RAB3B: variants seen among roughly 807,000 people sequenced by gnomAD.
RAB3B encodes the protein RAB3B, member RAS oncogene family, also known as ras-related protein Rab-3B.
RAB3B carries 11 observed loss-of-function variants against 20.5 expected under a neutral mutation model. That is an observed-to-expected ratio of 0.54 (90% CI 0.34 to 0.89). The LOEUF is 0.89. Ranked by LOEUF, RAB3B falls within the 40% of genes least tolerant of loss-of-function variation. The pLI, the probability that RAB3B is intolerant of heterozygous loss-of-function variation, is 0.02. For missense variants in RAB3B, 225 were observed against 280.9 expected, an observed-to-expected ratio of 0.80 and a Z score of 1.42; for synonymous variants, 99 against 106.3, an observed-to-expected ratio of 0.93 and a Z score of 0.42.
intron 2 of RAB3B, among the ~76,000 whole-genome samples, chr1:51,958,104 AGAGGAGGCTGG>A: frequency 6.6e-6 from 1 of 152,204 alleles, no homozygotes; most frequent in Admixed American, 6.5e-5. Context: ...AGCCAGGCAC[AGAGGAGGCTGG>A]GATGTCCTGG....
chr1:51,909,305 A>C lies in RAB3B; in HGVS notation c.*10622T>G, dbSNP rs2124209879. ...ATACCATCTATCCCCCTAGACTCTC[A>C]CAGTGGCTCCACCTTAAATGTCCAC... On this transcript the variant is annotated 3_prime_UTR_variant, in exon 5 of 5. Coordinates refer to ENST00000371655, the MANE Select transcript of RAB3B (RefSeq NM_002867.4). 1 of 152,308 alleles carries C rather than the reference A, an allele frequency of 6.6e-6. No homozygotes were observed. 9.4% of individuals were successfully genotyped at this position (152,308 alleles called of 1,614,324 possible). A position where few individuals can be genotyped will look rare whatever the true frequency, so the allele number is the denominator to read the frequency against.
chr1:51,920,334 G>A (rs914934031), intron 4 of RAB3B, among the ~76,000 whole-genome samples: 3 of 152,106 alleles, frequency 2.0e-5, no homozygotes, highest in Admixed American at 6.6e-5. Flanking sequence ...CTCTACCACC[G>A]CCCAGCTGTT....
intron 4 of RAB3B, among the ~76,000 whole-genome samples, chr1:51,921,308 T>C (rs1684168862): frequency 6.6e-6 from 1 of 152,186 alleles, no homozygotes; most frequent in Non-Finnish European, 1.5e-5. Context: ...GCTAGGAGCT[T>C]TACTGATATC....
intron 2 of RAB3B, among the ~76,000 whole-genome samples, chr1:51,971,843 G>A (rs1684941032): frequency 6.6e-6 from 1 of 152,208 alleles, no homozygotes. Context: ...CCCTGGGCAG[G>A]ACAGAGCAAG....
chr1:51,955,452 C>A (rs866837233), intron 2 of RAB3B, among the ~76,000 whole-genome samples: 1 of 151,956 alleles, frequency 6.6e-6, no homozygotes, highest in Non-Finnish European at 1.5e-5. Flanking sequence ...AGTGCAGTGG[C>A]GCAATCTTGG....
rs1272886756 is a variant in RAB3B, at chr1:51,919,370, C to T, written c.*557G>A. 1 of 152,438 alleles carries T rather than the reference C, an allele frequency of 6.6e-6. No homozygotes were observed. The highest frequency in any genetic ancestry group is 2.4e-5 in the African/African-American group (1 of 41,480). 9.4% of individuals were successfully genotyped at this position (152,438 alleles called of 1,614,324 possible). A position where few individuals can be genotyped will look rare whatever the true frequency, so the allele number is the denominator to read the frequency against. On this transcript the variant is annotated 3_prime_UTR_variant, in exon 5 of 5. Coordinates refer to ENST00000371655, the MANE Select transcript of RAB3B (RefSeq NM_002867.4). ...CTGAGCTCTCTGAAGATTAGCTCTTCCTGTCGCCACAGCAACTGCCCAGGC... is the reference window on the plus strand; with the variant it reads ...CTGAGCTCTCTGAAGATTAGCTCTTTCTGTCGCCACAGCAACTGCCCAGGC...
chr1:51,930,349 T>C (rs547767983), intron 4 of RAB3B, among the ~76,000 whole-genome samples: 31 of 152,350 alleles, frequency 2.0e-4, no homozygotes, highest in African/African-American at 6.5e-4. Context: ...TTAAATGAGA[T>C]AATTAATGCT....
chr1:51,976,837 T>C, intron 2 of RAB3B, 53 bp downstream of exon 2: 3 of 1,525,512 alleles, frequency 2.0e-6, no homozygotes, highest in East Asian at 2.3e-5. Context: ...GCCCTTGTAC[T>C]GGCAGGCCAG....
At chr1:51,930,712 C>T (rs181429003) in intron 4 of RAB3B, among the ~76,000 whole-genome samples, 3 of 152,260 alleles carry the variant, frequency 2.0e-5, no homozygotes, top group Admixed American at 6.5e-5. Flanking sequence ...TTAACCAATT[C>T]ACCTTTAAAA....
intron 1 of RAB3B, among the ~76,000 whole-genome samples, chr1:51,979,362 C>T (rs368068451): frequency 2.0e-5 from 3 of 151,862 alleles, no homozygotes; most frequent in African/African-American, 7.3e-5. Flanking sequence ...CCTCTGCCCC[C>T]TGAGTTCAAG....
chr1:51,923,224 A>T (rs1684197092), intron 4 of RAB3B, among the ~76,000 whole-genome samples: 1 of 152,156 alleles, frequency 6.6e-6, no homozygotes. Flanking sequence ...GAAAACTGAG[A>T]CTCAGAGATG....
chr1:51,965,344 A>G (rs1055536429), intron 2 of RAB3B, among the ~76,000 whole-genome samples: 3 of 152,212 alleles, frequency 2.0e-5, no homozygotes, highest in African/African-American at 7.2e-5. Context: ...TCACTGAACT[A>G]TACTGTTTAA....
At chr1:51,988,140 T>G (rs549772936) in intron 1 of RAB3B, among the ~76,000 whole-genome samples, 1 of 152,326 alleles carries the variant, frequency 6.6e-6, no homozygotes, top group African/African-American at 2.4e-5. Flanking sequence ...AAAGGTCAAC[T>G]GTATATGCAA....
At chr1:51,965,561 C>T (rs1468914799) in intron 2 of RAB3B, among the ~76,000 whole-genome samples, 9 of 150,652 alleles carry the variant, frequency 6.0e-5, no homozygotes, top group Admixed American at 3.3e-4. Context: ...GCAGGAGAAT[C>T]GCTTGAACCC....
chr1:51,964,730 A>T (rs905619844), intron 2 of RAB3B, among the ~76,000 whole-genome samples: 2 of 152,128 alleles, frequency 1.3e-5, no homozygotes, highest in Non-Finnish European at 1.5e-5. Context: ...CTCCACATCT[A>T]ATTCAATATT....
At chr1:51,962,479 C>T (rs113918760) in intron 2 of RAB3B, among the ~76,000 whole-genome samples, 1 of 152,236 alleles carries the variant, frequency 6.6e-6, no homozygotes, top group Non-Finnish European at 1.5e-5. Context: ...TCCTCCCACA[C>T]ACGCCACACA....
At position 51,914,633 on chromosome 1, in the gene RAB3B, C is replaced by A. The variant is rs1684056026; in HGVS notation, c.*5294G>T. ...ATGGATCAGGACCTTAAAAAACCAT[C>A]ATTTAACAGTATTTATATCTCACGG... On this transcript the variant is annotated 3_prime_UTR_variant, in exon 5 of 5. Transcript: ENST00000371655. 6.6e-6 allele frequency: 1 copy of A among 152,148 alleles called. No homozygotes were observed. Among genetic ancestry groups the A allele is most frequent in the African/African-American group, 2.4e-5 (1 of 41,448 alleles). The allele number at this position is 152,148 out of a possible 1,614,324, so 9.4% of individuals were successfully genotyped here.
chr1:51,938,169 T>C (rs1684438003), intron 2 of RAB3B, among the ~76,000 whole-genome samples: 1 of 152,100 alleles, frequency 6.6e-6, no homozygotes, highest in African/African-American at 2.4e-5. Flanking sequence ...CCCAGCCCCT[T>C]ATTTTTAATA....
chr1:51,940,036 T>C (rs751479464), intron 2 of RAB3B, among the ~76,000 whole-genome samples: 8 of 152,174 alleles, frequency 5.3e-5, no homozygotes, highest in Non-Finnish European at 1.2e-4. Context: ...TTTATACAGG[T>C]TGCACCTGTT....
Sources: gnomAD v4.1 joint callset for allele counts (sites outside exome capture counted in the v4.1 genomes callset) on GRCh38, gnomAD v4.1.1 for gene constraint, MANE v1.5 for transcripts, NCBI Gene and HGNC (gene_info 2026-07-23, HGNC 2026-07-21) for gene names.